HSF1: variants seen among roughly 807,000 people sequenced by gnomAD.
HSF1 encodes the protein heat shock factor protein 1.
HSF1 carries 32 observed loss-of-function variants against 51.7 expected under a neutral mutation model. That is an observed-to-expected ratio of 0.62 (90% CI 0.47 to 0.83). The LOEUF (loss-of-function observed/expected upper bound fraction) is 0.83, where lower values mean the gene tolerates loss of function less well. Among genes scored for constraint, HSF1 ranks in the 40% least tolerant of loss-of-function variants. The probability of loss-of-function intolerance (pLI) is 0.00; values close to 1 mark genes in which losing one functional copy is unlikely to be tolerated. For synonymous variants in HSF1, 396 were observed against 309.7 expected (o/e 1.28, Z -2.92); for missense variants, 727 against 717.0 (o/e 1.01, Z -0.16).
intron 1 of HSF1, among the ~76,000 whole-genome samples, chr8:144,302,779 G>A (rs577210358): frequency 3.0e-4 from 46 of 151,872 alleles, no homozygotes; most frequent in Non-Finnish European, 6.3e-4. Flanking sequence ...CCCAGATCGC[G>A]CCACTGCACT....
At chr8:144,308,507 G>C (rs969908919) in intron 1 of HSF1, among the ~76,000 whole-genome samples, 2 of 152,230 alleles carry the variant, frequency 1.3e-5, no homozygotes, top group Non-Finnish European at 2.9e-5. Flanking sequence ...GCTTAAACAG[G>C]TGCTTTGTGA....
At position 144,314,332 on chromosome 8, in the gene HSF1, G is replaced by C; in HGVS notation, c.*2G>C. ...GCCAAGGACCCCACTGTCTCCTAGA[G>C]GCCCCGGAGGAGCTGGGCCAGCCGC... On this transcript the variant is annotated 3_prime_UTR_variant, in exon 13 of 13. Transcript: ENST00000528838. The C allele has an allele frequency of 6.5e-7, 1 of 1,544,560 alleles. No homozygotes were observed. The highest frequency in any genetic ancestry group is 8.8e-7 in the Non-Finnish European group (1 of 1,142,302).
At chr8:144,298,334 C>T (rs1172108534) in intron 1 of HSF1, among the ~76,000 whole-genome samples, 10 of 152,086 alleles carry the variant, frequency 6.6e-5, no homozygotes, top group South Asian at 2.1e-4. Context: ...CGGTGGCTCA[C>T]GGCTGTAATC....
Position 144,314,428 on chromosome 8 carries a change from G to A in HSF1, c.*98G>A. On this transcript the variant is annotated 3_prime_UTR_variant, in exon 13 of 13. Coordinates refer to ENST00000528838, the MANE Select transcript of HSF1 (RefSeq NM_005526.4). ...GCCTCGCGGTCTTGGGCACTGGTGGGTCGGCCGCCATAGCCCCAGTAGGAC... is the reference window on the plus strand; with the variant it reads ...GCCTCGCGGTCTTGGGCACTGGTGGATCGGCCGCCATAGCCCCAGTAGGAC... The A allele has an allele frequency of 9.4e-7, 1 of 1,060,674 alleles. No individual in the cohort carries two copies. Among genetic ancestry groups the A allele is most frequent in the Non-Finnish European group, 1.4e-6 (1 of 726,298 alleles). 65.7% of individuals were successfully genotyped at this position (1,060,674 alleles called of 1,614,324 possible). A position where few individuals can be genotyped will look rare whatever the true frequency, so the allele number is the denominator to read the frequency against.
intron 1 of HSF1, among the ~76,000 whole-genome samples, chr8:144,302,239 T>C (rs1815937656): frequency 6.6e-6 from 1 of 151,764 alleles, no homozygotes; most frequent in Non-Finnish European, 1.5e-5. Flanking sequence ...CCGGGCGCCG[T>C]GGCTCACGCC....
chr8:144,314,181 G>T lies in HSF1; in HGVS notation c.1441G>T (p.Val481Leu), dbSNP rs782055070. The change falls in exon 13 of 13, where the codon GTG (valine) becomes TTG (leucine). Residue 481 changes from valine to leucine, a missense_variant. By Grantham distance (32) the Val-to-Leu change is conservative. Coordinates refer to ENST00000528838, the MANE Select transcript of HSF1 (RefSeq NM_005526.4). ...QPLFLLDPGS[V>L]DTGSNDLPVL... is the part of the protein sequence containing the mutation. ...GCTGTTCCTGCTGGACCCCGGCTCC[G>T]TGGACACCGGGAGCAACGACCTGCC... is the stretch of plus-strand genomic sequence containing the variant. 6.5e-7 allele frequency: 1 copy of T among 1,537,210 alleles called. No homozygotes were observed. The highest frequency in any genetic ancestry group is 2.5e-5 in the East Asian group (1 of 39,986).
intron 4 of HSF1, 163 bp downstream of exon 4, chr8:144,310,059 G>A (rs1554844088): frequency 7.2e-6 from 6 of 836,736 alleles, no homozygotes; most frequent in Non-Finnish European, 1.1e-5. Flanking sequence ...CGCCGCCCGT[G>A]GCTGCTGCAA....
At chr8:144,298,127 C>T (rs1162366665) in intron 1 of HSF1, among the ~76,000 whole-genome samples, 1 of 152,112 alleles carries the variant, frequency 6.6e-6, no homozygotes, top group Non-Finnish European at 1.5e-5. Flanking sequence ...CTGTGGTCAG[C>T]AGAGGAGGGA....
chr8:144,305,092 C>T (rs1024842247), intron 1 of HSF1, among the ~76,000 whole-genome samples: 4 of 150,304 alleles, frequency 2.7e-5, no homozygotes, highest in African/African-American at 7.4e-5. Context: ...GGACTATAGG[C>T]GCCCGCCACT....
intron 1 of HSF1, among the ~76,000 whole-genome samples, chr8:144,307,107 G>A (rs1554843435): frequency 2.0e-5 from 3 of 152,234 alleles, no homozygotes; most frequent in Non-Finnish European, 4.4e-5. Context: ...AGATGTCCTG[G>A]AATATCTCAG....
rs782321518 is a variant in HSF1, at chr8:144,313,343, C to T, written c.1143-168C>T. The T allele has an allele frequency of 1.1e-4, 64 of 584,164 alleles. No individual in the cohort carries two copies. The Middle Eastern group carries it at 1.1e-3, about 10-fold the overall frequency. The allele number at this position is 584,164 out of a possible 1,614,324, so 36.2% of individuals were successfully genotyped here. A position where few individuals can be genotyped will look rare whatever the true frequency, so the allele number is the denominator to read the frequency against. On this transcript the variant is annotated intron_variant, in intron 9 of 12. Coordinates refer to ENST00000528838, the MANE Select transcript of HSF1 (RefSeq NM_005526.4). ...CGCACCCCTGCAGGGCACAGAGCCT[C>T]CACTGCCTTCCAGGCCGTCCTCGAA... is the stretch of plus-strand genomic sequence containing the variant.
In HSF1 at chr8:144,293,452, T is replaced by A. The variant is rs546083671; in HGVS notation, c.117+1578T>A. 2.0e-5 allele frequency: 3 copies of A among 151,944 alleles called. No individual in the cohort carries two copies. The East Asian group carries it at 5.8e-4, about 29-fold the overall frequency. 9.4% of individuals were successfully genotyped at this position (151,944 alleles called of 1,614,324 possible). A position where few individuals can be genotyped will look rare whatever the true frequency, so the allele number is the denominator to read the frequency against. On this transcript the variant is annotated intron_variant, in intron 1 of 12. Coordinates refer to ENST00000528838, the MANE Select transcript of HSF1 (RefSeq NM_005526.4). ...TCCGTCTTTTTCTTTTTTCTTTTTT[T>A]TTTTTTTAGACCGAGTCTTGCTCTG...
chr8:144,311,544 G>A lies in HSF1; in HGVS notation c.666G>A (p.Met222Ile). The change falls in exon 7 of 13, where the codon ATG becomes ATA. Residue 222 changes from methionine to isoleucine, a missense_variant. Coordinates refer to ENST00000528838, the MANE Select transcript of HSF1 (RefSeq NM_005526.4). ...MLNDSGSAHS[M>I]PKYSRQFSLE... Reference sequence around the variant, plus strand: ...ACGACAGTGGCTCAGCACATTCCATGCCCAAGTATAGCCGGCAGTTCTCCC... The same window carrying A: ...ACGACAGTGGCTCAGCACATTCCATACCCAAGTATAGCCGGCAGTTCTCCC... The A allele has an allele frequency of 2.5e-6, 4 of 1,613,710 alleles. No homozygotes were observed. Among genetic ancestry groups the A allele is most frequent in the Non-Finnish European group, 2.5e-6 (3 of 1,179,974 alleles).
chr8:144,301,174 T>C (rs565771224), intron 1 of HSF1, among the ~76,000 whole-genome samples: 4 of 152,240 alleles, frequency 2.6e-5, no homozygotes, highest in African/African-American at 9.6e-5. Context: ...ATCCCAGCAC[T>C]CTGGGAGGCT....
chr8:144,298,427 T>A (rs1184732643), intron 1 of HSF1, among the ~76,000 whole-genome samples: 1 of 140,422 alleles, frequency 7.1e-6, no homozygotes, highest in Non-Finnish European at 1.5e-5. Flanking sequence ...TGAAACCCCG[T>A]CTCTACTAAA....
rs1554845496 is a variant in HSF1, at chr8:144,313,553, G to C, written c.1185G>C (p.Leu395=). The change falls in exon 10 of 13, where the codon CTG becomes CTC. Residue 395 remains leucine, a synonymous_variant. Transcript: ENST00000528838. The part of the protein sequence containing the change: ...SDHLDAMDSN[L]DNLQTMLSSH... ...ACTTGGATGCTATGGACTCCAACCT[G>C]GATAACCTGCAGACCATGCTGAGCA... is the stretch of plus-strand genomic sequence containing the variant. The C allele has an allele frequency of 6.2e-7, 1 of 1,612,214 alleles. No homozygotes were observed. Among genetic ancestry groups the C allele is most frequent in the South Asian group, 1.1e-5 (1 of 91,076 alleles).
At chr8:144,313,677 C>T (rs1816910536) in intron 10 of HSF1, 61 bp downstream of exon 10, 1 of 128,946 alleles carries the variant, frequency 7.8e-6, no homozygotes, top group Admixed American at 1.0e-4. Flanking sequence ...CGCCCCGCCT[C>T]CCCGCCCCGC....
chr8:144,307,875 C>T (rs1816325229), intron 1 of HSF1, among the ~76,000 whole-genome samples: 1 of 152,206 alleles, frequency 6.6e-6, no homozygotes, highest in Non-Finnish European at 1.5e-5. Context: ...TACTGTAATT[C>T]TTTGGTTAAC....
chr8:144,304,329 A>G (rs1465299119), intron 1 of HSF1, among the ~76,000 whole-genome samples: 1 of 152,170 alleles, frequency 6.6e-6, no homozygotes, highest in South Asian at 2.1e-4. Flanking sequence ...CAGTTTTGAG[A>G]CTTTAAGTGG....
Sources: gnomAD v4.1 joint callset for allele counts (sites outside exome capture counted in the v4.1 genomes callset) on GRCh38, gnomAD v4.1.1 for gene constraint, MANE v1.5 for transcripts, NCBI Gene and HGNC (gene_info 2026-07-23, HGNC 2026-07-21) for gene names.